Variants in PTH1R observed in about 807,000 individuals in gnomAD.
The protein encoded by PTH1R is parathyroid hormone/parathyroid hormone-related peptide receptor.
Under a neutral mutation model 70.7 loss-of-function variants are expected in PTH1R, and 32 were observed. The ratio of observed to expected loss-of-function variants is 0.45; its 90% CI spans 0.34 to 0.61. PTH1R has a LOEUF of 0.61. Ranked by LOEUF, PTH1R falls within the 20% of genes least tolerant of loss-of-function variation. The probability of loss-of-function intolerance (pLI) is 0.01; values close to 1 mark genes in which losing one functional copy is unlikely to be tolerated. For synonymous variants in PTH1R, 329 were observed against 324.8 expected (o/e 1.01, Z -0.14); for missense variants, 626 against 792.5 (o/e 0.79, Z 2.52).
In PTH1R at chr3:46,892,453, T is replaced by C. The variant is rs2031476363; in HGVS notation, c.76-1454T>C. Among the ~76,000 whole-genome samples, 1 of 152,032 alleles carries C rather than the reference T, an allele frequency of 6.6e-6. No individual in the cohort carries two copies. The highest frequency in any genetic ancestry group is 1.5e-5 in the Non-Finnish European group (1 of 68,016). Reference sequence around the variant, plus strand: ...ACACACAAGTGCACGCGCCGGCCACTCGAGAATGCGCTGCCACTCGCGCGC... The same window carrying C: ...ACACACAAGTGCACGCGCCGGCCACCCGAGAATGCGCTGCCACTCGCGCGC... On this transcript the variant is annotated intron_variant, in intron 3 of 15. Transcript: ENST00000449590. The surrounding 1 kb of genome is among the most constrained non-coding windows in gnomAD (Gnocchi z 5.2).
At chr3:46,895,657 A>G in intron 4 of PTH1R, 78 bp from the exon 5 acceptor site, 1 of 1,608,390 alleles carries the variant, frequency 6.2e-7, no homozygotes, top group Non-Finnish European at 8.5e-7. Flanking sequence ...ACAAAGGGGG[A>G]GTCTGAGGCC....
At position 46,903,510 on chromosome 3, in the gene PTH1R, G is replaced by A. The variant is rs77048718; in HGVS notation, c.1636G>A (p.Glu546Lys). 38,276 of 1,613,942 alleles carry A rather than the reference G, an allele frequency of 0.024. 529 individuals carry two copies. The highest frequency in any genetic ancestry group is 0.028 in the Non-Finnish European group (33,579 of 1,180,020). The change falls in exon 16 of 16, where the codon GAG (glutamate) becomes AAG (lysine). Residue 546 changes from glutamate to lysine, a missense_variant. Physicochemically the swap from Glu to Lys is moderately conservative, Grantham distance 56. Around this residue, in one of 3 missense-constraint regions of PTH1R, gnomAD observed 495 missense variants for 638.7 expected, o/e 0.77. Coordinates refer to ENST00000449590, the MANE Select transcript of PTH1R (RefSeq NM_000316.3). The surrounding 1 kb of genome is among the most constrained non-coding windows in gnomAD (Gnocchi z 4.4). ...TGCCAAGCCAGGGACCCCAGCCCTGGAGACCCTCGAGACCACACCACCTGC... is the reference window on the plus strand; with the variant it reads ...TGCCAAGCCAGGGACCCCAGCCCTGAAGACCCTCGAGACCACACCACCTGC... ...GHAKPGTPAL[E>K]TLETTPPAMA...
Position 46,882,631 on chromosome 3 carries a change from T to C in PTH1R, c.-48-881T>C, listed in dbSNP as rs1434136254. Reference sequence around the variant, plus strand: ...CCCCGCGCCGCTCGGCTCGGTGGCTTTTTTGGAAACTTGCAAATGTTTTCG... The same window carrying C: ...CCCCGCGCCGCTCGGCTCGGTGGCTCTTTTGGAAACTTGCAAATGTTTTCG... On this transcript the variant is annotated intron_variant, in intron 2 of 15. Coordinates refer to ENST00000449590, the MANE Select transcript of PTH1R (RefSeq NM_000316.3). The surrounding 1 kb of genome is among the most constrained non-coding windows in gnomAD (Gnocchi z 4.3). Among the ~76,000 whole-genome samples the C allele has an allele frequency of 6.7e-6, 1 of 150,112 alleles. No individual in the cohort carries two copies. Among genetic ancestry groups the C allele is most frequent in the Admixed American group, 6.6e-5 (1 of 15,152 alleles).
rs200498439 is a variant in PTH1R, at chr3:46,893,907, G to A, written c.76G>A (p.Val26Met). ...CPVLSSAYAL[V>M]DADDVMTKEE... ...TGTGGTCTGACCTTCGGCTTGGCAG[G>A]TGGATGCAGATGACGTCATGACTAA... The change falls in exon 4 of 16, where the codon GTG becomes ATG. Residue 26 changes from valine (V) to methionine (M), a missense_variant and splice_region_variant. Physicochemically the swap from Val to Met is conservative, Grantham distance 21. Transcript: ENST00000449590. This position sits in a 1 kb window ranked among gnomAD's most constrained non-coding sequence, Gnocchi z 5.2. 13 of 1,613,876 alleles carry A rather than the reference G, an allele frequency of 8.1e-6. No homozygotes were observed. The highest frequency in any genetic ancestry group is 1.3e-5 in the African/African-American group (1 of 74,938).
intron 5 of PTH1R, among the ~76,000 whole-genome samples, 183 bp from the exon 6 acceptor site, chr3:46,897,672 A>G (rs1051793458): frequency 2.0e-5 from 3 of 152,218 alleles, no homozygotes; most frequent in African/African-American, 7.2e-5. Flanking sequence ...CGGAGGTTGC[A>G]GTGAGCTGAG....
rs577730924 is a variant in PTH1R, at chr3:46,884,396, G to A, written c.75+762G>A. On this transcript the variant is annotated intron_variant, in intron 3 of 15. Transcript: ENST00000449590. The surrounding 1 kb of genome is among the most constrained non-coding windows in gnomAD (Gnocchi z 4.8). ...GAGGAGAGATCCCCCCAGCTGGAGG[G>A]GTGGACAGACTAAGAACAGCAAAAA... Among the ~76,000 whole-genome samples the A allele has an allele frequency of 6.6e-6, 1 of 151,758 alleles. No homozygotes were observed. The highest frequency in any genetic ancestry group is 6.5e-5 in the Admixed American group (1 of 15,302).
chr3:46,898,529 G>A (rs1380823635), intron 8 of PTH1R, 57 bp downstream of exon 8: 1 of 1,603,862 alleles, frequency 6.2e-7, no homozygotes, highest in African/African-American at 1.3e-5. Context: ...CGGTGGCCGA[G>A]GTCTGATGCG....
intron 4 of PTH1R, among the ~76,000 whole-genome samples, chr3:46,895,170 ACTGTGGAAG>A (rs1293713623): frequency 2.0e-5 from 3 of 151,510 alleles, no homozygotes; most frequent in Non-Finnish European, 4.4e-5. Flanking sequence ...CTCAACGGCC[ACTGTGGAAG>A]CTGTGAACCA....
Position 46,895,593 on chromosome 3 carries a change from C to T in PTH1R, c.179-142C>T, listed in dbSNP as rs2031702769. 13 of 1,285,266 alleles carry T rather than the reference C, an allele frequency of 1.0e-5. No individual in the cohort carries two copies. In the South Asian group the frequency reaches 1.4e-4, roughly 14 times the overall value. The allele number at this position is 1,285,266 out of a possible 1,614,324, so 79.6% of individuals were successfully genotyped here. A position where few individuals can be genotyped will look rare whatever the true frequency, so the allele number is the denominator to read the frequency against. On this transcript the variant is annotated intron_variant, in intron 4 of 15. Transcript: ENST00000449590. ...TTAAACACCTCCTCACCCATCGTCT[C>T]AGATCTCCCAACAGCCTAGGTGTCA...
chr3:46,898,244 C>G, intron 7 of PTH1R, 52 bp downstream of exon 7: 1 of 1,596,830 alleles, frequency 6.3e-7, no homozygotes, highest in Admixed American at 1.7e-5. Context: ...ACTCCCACCC[C>G]ACGGGTGACC....
rs947527642 is a variant in PTH1R, at chr3:46,882,801, C to G, written c.-48-711C>G. On this transcript the variant is annotated intron_variant, in intron 2 of 15. Coordinates refer to ENST00000449590, the MANE Select transcript of PTH1R (RefSeq NM_000316.3). The surrounding 1 kb of genome is among the most constrained non-coding windows in gnomAD (Gnocchi z 4.3). Reference sequence around the variant, plus strand: ...CAGAGCGTCGGGGCCGCTGCGCGCCCGAGCCGCACAGGCGCAAGCGGGGCT... The same window carrying G: ...CAGAGCGTCGGGGCCGCTGCGCGCCGGAGCCGCACAGGCGCAAGCGGGGCT... 4.7e-4 allele frequency among the ~76,000 whole-genome samples: 72 copies of G among 152,024 alleles called. 1 individual carries two copies. Among genetic ancestry groups the G allele is most frequent in the African/African-American group, 1.6e-3 (67 of 41,494 alleles).
Position 46,893,834 on chromosome 3 carries a change from G to T in PTH1R, c.76-73G>T. 1 of 1,428,014 alleles carries T rather than the reference G, an allele frequency of 7.0e-7. No homozygotes were observed. Among genetic ancestry groups the T allele is most frequent in the South Asian group, 1.2e-5 (1 of 83,908 alleles). The allele number at this position is 1,428,014 out of a possible 1,614,324, so 88.5% of individuals were successfully genotyped here. A position where few individuals can be genotyped will look rare whatever the true frequency, so the allele number is the denominator to read the frequency against. ...TTTTGAAAGGGGGTAGTCCCTCTGGGAAATTGGGATGTCTCTGGGACCTGC... is the reference window on the plus strand; with the variant it reads ...TTTTGAAAGGGGGTAGTCCCTCTGGTAAATTGGGATGTCTCTGGGACCTGC... On this transcript the variant is annotated intron_variant, in intron 3 of 15. Coordinates refer to ENST00000449590, the MANE Select transcript of PTH1R (RefSeq NM_000316.3). The surrounding 1 kb of genome is among the most constrained non-coding windows in gnomAD (Gnocchi z 5.2).
rs1201932868 is a variant in PTH1R at position 46,902,248 on chromosome 3, A to G, written c.1212-278A>G. ...ATAGTGAGGTTCGACCGTGGAGGGG[A>G]GTGCTTGCCAGCTGAGGGCTCCACA... is the stretch of plus-strand genomic sequence containing the variant. On this transcript the variant is annotated intron_variant, in intron 13 of 15. Coordinates refer to ENST00000449590, the MANE Select transcript of PTH1R (RefSeq NM_000316.3). The surrounding 1 kb of genome is among the most constrained non-coding windows in gnomAD (Gnocchi z 5.4). 6.6e-6 allele frequency among the ~76,000 whole-genome samples: 1 copy of G among 152,044 alleles called. No homozygotes were observed.
Position 46,902,793 on chromosome 3 carries a change from AAGC to A in PTH1R, c.1395+6_1395+8del. ...TATACTGTTTCTGCAATGGCGAGGTAAGCAGGAGACAGTGTTGGCATAGGGCAG... is the reference window on the plus strand; with the variant it reads ...TATACTGTTTCTGCAATGGCGAGGTAAGGAGACAGTGTTGGCATAGGGCAG... On this transcript the variant is annotated splice_donor_5th_base_variant and intron_variant, in intron 15 of 15. Transcript: ENST00000449590. The surrounding 1 kb of genome is among the most constrained non-coding windows in gnomAD (Gnocchi z 5.4). The A allele has an allele frequency of 6.2e-7, 1 of 1,613,634 alleles. No individual in the cohort carries two copies. The highest frequency in any genetic ancestry group is 8.5e-7 in the Non-Finnish European group (1 of 1,179,996).
In PTH1R at chr3:46,879,766, G is replaced by T. The variant is rs1192120603; in HGVS notation, c.-105-1296G>T. On this transcript the variant is annotated intron_variant, in intron 1 of 15. Transcript: ENST00000449590. This position sits in a 1 kb window ranked among gnomAD's most constrained non-coding sequence, Gnocchi z 4.7. ...TGTCTGGGGAAAAAAAAAATGCTGC[G>T]TGTGGTGGCTCACGCTTGTAATCTC... Among the ~76,000 whole-genome samples, 3 of 151,506 alleles carry T rather than the reference G, an allele frequency of 2.0e-5. No individual in the cohort carries two copies. The highest frequency in any genetic ancestry group is 7.3e-5 in the African/African-American group (3 of 41,170).
chr3:46,884,385 C>T lies in PTH1R; in HGVS notation c.75+751C>T, dbSNP rs1328618339. ...AGCCGGGTGGGGAGGAGAGATCCCC[C>T]CAGCTGGAGGGGTGGACAGACTAAG... On this transcript the variant is annotated intron_variant, in intron 3 of 15. Transcript: ENST00000449590. This position sits in a 1 kb window ranked among gnomAD's most constrained non-coding sequence, Gnocchi z 4.8. 1.3e-5 allele frequency among the ~76,000 whole-genome samples: 2 copies of T among 151,948 alleles called. No individual in the cohort carries two copies. The highest frequency in any genetic ancestry group is 2.9e-5 in the Non-Finnish European group (2 of 67,988).
chr3:46,902,729 C>A lies in PTH1R; in HGVS notation c.1354-20C>A. The A allele has an allele frequency of 6.2e-7, 1 of 1,613,924 alleles. No homozygotes were observed. Among genetic ancestry groups the A allele is most frequent in the Non-Finnish European group, 8.5e-7 (1 of 1,180,008 alleles). On this transcript the variant is annotated intron_variant, in intron 14 of 15. Coordinates refer to ENST00000449590, the MANE Select transcript of PTH1R (RefSeq NM_000316.3). The surrounding 1 kb of genome is among the most constrained non-coding windows in gnomAD (Gnocchi z 5.4). The stretch of plus-strand genomic sequence containing the variant: ...AGGGGTTCCGGGGGCAGGCCTGATT[C>A]GAGACACCCCTCTTCACAGGGATTT...
At chr3:46,886,637 G>A (rs972357364) in intron 3 of PTH1R, among the ~76,000 whole-genome samples, 72 of 152,336 alleles carry the variant, frequency 4.7e-4, no homozygotes, top group Admixed American at 8.5e-4. Context: ...GATTACAGGC[G>A]TGAGCCACCA....
intron 4 of PTH1R, among the ~76,000 whole-genome samples, chr3:46,895,534 T>C (rs1213676410): frequency 6.6e-6 from 1 of 152,088 alleles, no homozygotes; most frequent in Non-Finnish European, 1.5e-5. Context: ...CCACCTCCTC[T>C]TATTACTTCA....
Sources: gnomAD v4.1 joint callset for allele counts (sites outside exome capture counted in the v4.1 genomes callset) on GRCh38, gnomAD v4.1.1 for gene constraint, gnomAD v4.1.1 regional missense constraint, Gnocchi (gnomAD v3.1) non-coding constraint, MANE v1.5 for transcripts, NCBI Gene and HGNC (gene_info 2026-07-23, HGNC 2026-07-21) for gene names.